SPAG16: variants seen among roughly 807,000 people sequenced by gnomAD.
SPAG16 encodes the protein sperm-associated antigen 16 protein.
In SPAG16, 86 loss-of-function variants were observed where a neutral mutation model predicts 80.4. The observed-to-expected ratio is 1.07, with a 90% confidence interval of 0.90 to 1.28. SPAG16 has a LOEUF of 1.28. Among genes scored for constraint, SPAG16 ranks in the 50% most tolerant of loss-of-function variants. The probability of loss-of-function intolerance (pLI) is 0.00; values close to 1 mark genes in which losing one functional copy is unlikely to be tolerated. For synonymous variants in SPAG16, 294 were observed against 265.9 expected (o/e 1.11, Z -1.03); for missense variants, 870 against 765.3 (o/e 1.14, Z -1.61).
intron 10 of SPAG16, among the ~76,000 whole-genome samples, chr2:213,501,128 A>G (rs2074725254): frequency 6.6e-6 from 1 of 152,344 alleles, no homozygotes; most frequent in Non-Finnish European, 1.5e-5. Flanking sequence ...TGGACTGCAC[A>G]TTCCTGATCT....
At chr2:213,461,786 G>T (rs953295000) in intron 9 of SPAG16, among the ~76,000 whole-genome samples, 1 of 152,112 alleles carries the variant, frequency 6.6e-6, no homozygotes, top group East Asian at 1.9e-4. Flanking sequence ...AATAGGATAA[G>T]CCCTAGGCAT....
intron 12 of SPAG16, among the ~76,000 whole-genome samples, chr2:214,000,907 T>C (rs1183053881): frequency 6.6e-6 from 1 of 152,182 alleles, no homozygotes; most frequent in Non-Finnish European, 1.5e-5. Flanking sequence ...AGGCTTTTTC[T>C]CCTTTATTCT....
intron 10 of SPAG16, among the ~76,000 whole-genome samples, chr2:213,579,802 C>A (rs1322297412): frequency 6.6e-6 from 1 of 152,128 alleles, no homozygotes; most frequent in Non-Finnish European, 1.5e-5. Context: ...TCCCAATTCT[C>A]CCCTGGTATT....
chr2:214,018,225 C>T (rs374952330), intron 13 of SPAG16, among the ~76,000 whole-genome samples: 6 of 151,918 alleles, frequency 3.9e-5, no homozygotes, highest in South Asian at 2.1e-4. Flanking sequence ...GCAACTGTGG[C>T]GACTTCATTT....
intron 10 of SPAG16, among the ~76,000 whole-genome samples, chr2:213,694,119 T>C (rs1213569866): frequency 6.6e-6 from 1 of 151,964 alleles, no homozygotes; most frequent in Non-Finnish European, 1.5e-5. Flanking sequence ...AGATTGAACT[T>C]GGTCCACAGT....
At chr2:213,418,172 T>C (rs1033244164) in intron 9 of SPAG16, among the ~76,000 whole-genome samples, 6 of 152,184 alleles carry the variant, frequency 3.9e-5, no homozygotes, top group African/African-American at 1.4e-4. Context: ...GTGCCCGGCC[T>C]ACAGCATATA....
intron 4 of SPAG16, among the ~76,000 whole-genome samples, chr2:213,314,936 A>C (rs2063338547): frequency 6.6e-6 from 1 of 151,888 alleles, no homozygotes; most frequent in South Asian, 2.1e-4. Context: ...AATTATCTTA[A>C]TCTTCAGGAT....
intron 15 of SPAG16, among the ~76,000 whole-genome samples, chr2:214,335,496 A>T (rs1421950564): frequency 2.0e-5 from 3 of 151,578 alleles, no homozygotes; most frequent in South Asian, 2.1e-4. Context: ...ATATATATAT[A>T]ATTTCAACCT....
intron 9 of SPAG16, among the ~76,000 whole-genome samples, chr2:213,424,248 T>C (rs2069770144): frequency 6.6e-6 from 1 of 152,238 alleles, no homozygotes; most frequent in African/African-American, 2.4e-5. Context: ...GACACTCAGT[T>C]CCTTCATAAA....
intron 14 of SPAG16, among the ~76,000 whole-genome samples, chr2:214,110,517 T>C (rs2053611262): frequency 1.3e-5 from 2 of 152,214 alleles, no homozygotes; most frequent in African/African-American, 4.8e-5. Flanking sequence ...GTGCCACATT[T>C]TCTTAATCCA....
chr2:213,673,102 T>C (rs2063887551), intron 10 of SPAG16, among the ~76,000 whole-genome samples: 1 of 152,166 alleles, frequency 6.6e-6, no homozygotes. Context: ...TATTTTCCTC[T>C]ATATTCAAAC....
chr2:213,989,167 T>C (rs1031172698), intron 12 of SPAG16, among the ~76,000 whole-genome samples: 4 of 152,144 alleles, frequency 2.6e-5, no homozygotes, highest in Non-Finnish European at 5.9e-5. Flanking sequence ...ACAATAAGAA[T>C]GATTCTCCAA....
intron 14 of SPAG16, among the ~76,000 whole-genome samples, chr2:214,129,860 G>A (rs1434115556): frequency 6.6e-6 from 1 of 152,086 alleles, no homozygotes; most frequent in Non-Finnish European, 1.5e-5. Context: ...TTTTAGAGAA[G>A]CAAGGATTTA....
At chr2:213,478,131 T>G (rs2073528140) in intron 9 of SPAG16, among the ~76,000 whole-genome samples, 1 of 152,136 alleles carries the variant, frequency 6.6e-6, no homozygotes, top group Admixed American at 6.6e-5. Context: ...TGATAGTAAG[T>G]TTTCTGAGGT....
intron 13 of SPAG16, among the ~76,000 whole-genome samples, chr2:214,073,378 C>G (rs1190899908): frequency 1.3e-5 from 2 of 151,814 alleles, no homozygotes. Context: ...GCTGGGATTA[C>G]AGGCGCCCAC....
chr2:213,489,134 A>C (rs2074127019), intron 9 of SPAG16, among the ~76,000 whole-genome samples: 1 of 152,094 alleles, frequency 6.6e-6, no homozygotes, highest in Admixed American at 6.6e-5. Context: ...GAGATAAATA[A>C]TTTTTGAATA....
intron 1 of SPAG16, among the ~76,000 whole-genome samples, chr2:213,287,709 GC>G (rs892977168): frequency 9.2e-5 from 14 of 152,232 alleles, no homozygotes; most frequent in Admixed American, 9.2e-4. Context: ...GTAAGTTTAA[GC>G]CAGTTCTGTG....
chr2:213,976,109 G>C (rs73987103), intron 12 of SPAG16, among the ~76,000 whole-genome samples: 1 of 121,530 alleles, frequency 8.2e-6, no homozygotes, highest in African/African-American at 3.3e-5. Context: ...CAGTGAGGGA[G>C]ATATATATAT....
intron 8 of SPAG16, among the ~76,000 whole-genome samples, chr2:213,368,772 CACAA>C (rs2066468271): frequency 6.6e-6 from 1 of 152,032 alleles, no homozygotes; most frequent in South Asian, 2.1e-4. Flanking sequence ...ACACCAATAA[CACAA>C]ACAGAGAGCC....
Sources: gnomAD v4.1 joint callset for allele counts (sites outside exome capture counted in the v4.1 genomes callset) on GRCh38, gnomAD v4.1.1 for gene constraint, MANE v1.5 for transcripts, NCBI Gene and HGNC (gene_info 2026-07-23, HGNC 2026-07-21) for gene names.